Variants in ZBTB46 observed in about 807,000 individuals in gnomAD.
The protein encoded by ZBTB46 is zinc finger and BTB domain containing 46, also known as zinc finger and BTB domain-containing protein 46.
A neutral mutation model predicts 44.1 loss-of-function variants in ZBTB46; 8 were observed. The ratio of observed to expected loss-of-function variants is 0.18; its 90% CI spans 0.11 to 0.33. The LOEUF (loss-of-function observed/expected upper bound fraction) is 0.33. ZBTB46 is among the 10% of genes least tolerant of loss of function. The pLI is 1.00. For synonymous variants in ZBTB46, 409 were observed against 382.3 expected (o/e 1.07, Z -0.81); for missense variants, 651 against 847.7 (o/e 0.77, Z 2.88).
Position 63,787,860 on chromosome 20 carries a change from C to T in ZBTB46, c.937+1961G>A, listed in dbSNP as rs67047102. 0.077 allele frequency: 11,717 copies of T among 152,288 alleles called. 904 individuals are homozygous for T. The highest frequency in any genetic ancestry group is 0.44 in the East Asian group (2,253 of 5,170). 9.4% of individuals were successfully genotyped at this position (152,288 alleles called of 1,614,324 possible). ...CCGGCTCTCGCAGATCTCTCAGCGA[C>T]GGAGAGGAGGGACCAGGGTCAGGAG... is the stretch of plus-strand genomic sequence containing the variant. On this transcript the variant is annotated intron_variant, in intron 2 of 4. Coordinates refer to ENST00000245663, the MANE Select transcript of ZBTB46 (RefSeq NM_001369741.1). The surrounding 1 kb of genome is among the most constrained non-coding windows in gnomAD (Gnocchi z 4.6).
At chr20:63,765,823 G>C (rs539439661) in intron 3 of ZBTB46, among the ~76,000 whole-genome samples, 1 of 152,340 alleles carries the variant, frequency 6.6e-6, no homozygotes, top group South Asian at 2.1e-4. Flanking sequence ...AATGTTCTTA[G>C]AGCCCTTATC....
At position 63,803,287 on chromosome 20, in the gene ZBTB46, G is replaced by C. The variant is rs1601506730; in HGVS notation, c.-33-12497C>G. On this transcript the variant is annotated intron_variant, in intron 1 of 4. Coordinates refer to ENST00000245663, the MANE Select transcript of ZBTB46 (RefSeq NM_001369741.1). The surrounding 1 kb of genome is among the most constrained non-coding windows in gnomAD (Gnocchi z 4.0). Reference sequence around the variant, plus strand: ...TCTGAAAAAATTAAGGTTAAGACATGAATACTGTGAAACTGTCGTACAAAT... The same window carrying C: ...TCTGAAAAAATTAAGGTTAAGACATCAATACTGTGAAACTGTCGTACAAAT... 1 of 982,878 alleles carries C rather than the reference G, an allele frequency of 1.0e-6. No individual in the cohort carries two copies. The highest frequency in any genetic ancestry group is 1.2e-6 in the Non-Finnish European group (1 of 827,628). The allele number at this position is 982,878 out of a possible 1,614,324, so 60.9% of individuals were successfully genotyped here. A position where few individuals can be genotyped will look rare whatever the true frequency, so the allele number is the denominator to read the frequency against.
intron 1 of ZBTB46, among the ~76,000 whole-genome samples, chr20:63,819,880 C>T (rs56902471): frequency 3.9e-5 from 6 of 152,164 alleles, no homozygotes; most frequent in African/African-American, 1.2e-4. Flanking sequence ...TAATGATTTC[C>T]GAAAAGTTCT....
chr20:63,833,241 TC>T (rs2092860608), upstream of ZBTB46, among the ~76,000 whole-genome samples: 2 of 152,182 alleles, frequency 1.3e-5, no homozygotes, highest in East Asian at 3.9e-4. Flanking sequence ...CAAACCTTGA[TC>T]TCACCACGAC....
In ZBTB46 at chr20:63,796,393, C is replaced by T. The variant is rs568702170; in HGVS notation, c.-33-5603G>A. ...CTAGGGCCCATCCCTGCGTCTAATT[C>T]CAAACCACTCAGCGGGCAAGAACGA... is the stretch of plus-strand genomic sequence containing the variant. On this transcript the variant is annotated intron_variant, in intron 1 of 4. Coordinates refer to ENST00000245663, the MANE Select transcript of ZBTB46 (RefSeq NM_001369741.1). Among the ~76,000 whole-genome samples the T allele has an allele frequency of 3.9e-5, 6 of 152,338 alleles. No individual in the cohort carries two copies. The East Asian group carries it at 1.2e-3, about 29-fold the overall frequency.
Position 63,747,178 on chromosome 20 carries a change from C to G in ZBTB46, c.1522G>C (p.Gly508Arg), listed in dbSNP as rs376393528. 1.2e-6 allele frequency: 2 copies of G among 1,608,882 alleles called. No individual in the cohort carries two copies. The highest frequency in any genetic ancestry group is 1.3e-5 in the African/African-American group (1 of 74,698). ...CCATGGTCCAGGGGCCCGGCCATGC[C>G]GCGGCCAGCACAGTCGGTGCACACA... is the stretch of plus-strand genomic sequence containing the variant. ...HGVCTDCAGR[G>R]MAGPLDHGGG... Residue 508 changes from glycine (G) to arginine (R), a missense_variant, in exon 5 of 5, where the codon GGC becomes CGC. By Grantham distance (125) the Gly-to-Arg change is moderately radical. Transcript: ENST00000245663.
At chr20:63,829,812 TG>T (rs1234956165) in intron 1 of ZBTB46, among the ~76,000 whole-genome samples, 1 of 152,144 alleles carries the variant, frequency 6.6e-6, no homozygotes, top group Non-Finnish European at 1.5e-5. Context: ...GCAGCGTGAG[TG>T]CCAGCAGCAG....
Position 63,746,529 on chromosome 20 carries a change from C to T in ZBTB46, c.*401G>A. 1 of 185,176 alleles carries T rather than the reference C, an allele frequency of 5.4e-6. No individual in the cohort carries two copies. Among genetic ancestry groups the T allele is most frequent in the Non-Finnish European group, 1.1e-5 (1 of 90,066 alleles). The allele number at this position is 185,176 out of a possible 1,614,324, so 11.5% of individuals were successfully genotyped here. A position where few individuals can be genotyped will look rare whatever the true frequency, so the allele number is the denominator to read the frequency against. ...ACCGGGTGTCTGTAAAACTCTGCACCTGCTCAGGCCAGGGGCCTCTGGGCC... is the reference window on the plus strand; with the variant it reads ...ACCGGGTGTCTGTAAAACTCTGCACTTGCTCAGGCCAGGGGCCTCTGGGCC... On this transcript the variant is annotated 3_prime_UTR_variant, in exon 5 of 5. Coordinates refer to ENST00000245663, the MANE Select transcript of ZBTB46 (RefSeq NM_001369741.1).
upstream of ZBTB46, among the ~76,000 whole-genome samples, chr20:63,831,907 G>C (rs1458059438): frequency 2.6e-5 from 4 of 151,936 alleles, no homozygotes; most frequent in Non-Finnish European, 1.5e-5. Context: ...AGGCCGCCCG[G>C]GGTGCGGGGT....
At chr20:63,801,620 G>C (rs1263442253) in intron 1 of ZBTB46, among the ~76,000 whole-genome samples, 1 of 152,164 alleles carries the variant, frequency 6.6e-6, no homozygotes, top group African/African-American at 2.4e-5. Context: ...TGAGCTGTAA[G>C]ACTCACCGTG....
At chr20:63,786,007 C>T (rs2092511494) in intron 2 of ZBTB46, among the ~76,000 whole-genome samples, 4 of 152,308 alleles carry the variant, frequency 2.6e-5, no homozygotes, top group South Asian at 2.1e-4. Flanking sequence ...GTGCCTGCAT[C>T]GACTCTCATA....
intron 1 of ZBTB46, among the ~76,000 whole-genome samples, chr20:63,827,899 T>C (rs558640750): frequency 6.6e-6 from 1 of 152,316 alleles, no homozygotes; most frequent in Non-Finnish European, 1.5e-5. Context: ...AACAGGACAA[T>C]GTTTTATTTG....
chr20:63,816,062 C>T (rs1431969949), intron 1 of ZBTB46, among the ~76,000 whole-genome samples: 13 of 130,004 alleles, frequency 1.0e-4, no homozygotes, highest in Admixed American at 1.6e-4. Flanking sequence ...GTGCGGTGGG[C>T]GCAGGTGCAG....
At chr20:63,815,129 G>A (rs1468078219) in intron 1 of ZBTB46, 2 of 214,630 alleles carry the variant, frequency 9.3e-6, no homozygotes, top group Non-Finnish European at 1.9e-5. Context: ...CTGCTGAGAA[G>A]ACACAAAAGG....
chr20:63,791,043 G>C, intron 1 of ZBTB46: 1 of 414,894 alleles, frequency 2.4e-6, no homozygotes, highest in Non-Finnish European at 4.3e-6. Context: ...GGCTAATGGG[G>C]TTCTGAACAG....
At chr20:63,822,307 A>T (rs552332686) in intron 1 of ZBTB46, among the ~76,000 whole-genome samples, 1 of 152,260 alleles carries the variant, frequency 6.6e-6, no homozygotes, top group African/African-American at 2.4e-5. Flanking sequence ...AGCGCCCTGA[A>T]TTCACCCACC....
At chr20:63,783,351 C>A (rs2145899816) in intron 2 of ZBTB46, among the ~76,000 whole-genome samples, 1 of 152,328 alleles carries the variant, frequency 6.6e-6, no homozygotes, top group Non-Finnish European at 1.5e-5. Flanking sequence ...ATCACTTGAA[C>A]CCGAGAGGCA....
intron 1 of ZBTB46, among the ~76,000 whole-genome samples, chr20:63,811,595 G>A (rs1410302398): frequency 6.6e-6 from 1 of 152,190 alleles, no homozygotes; most frequent in Non-Finnish European, 1.5e-5. Flanking sequence ...AGGTGACGCA[G>A]ACAACTGACC....
Position 63,781,885 on chromosome 20 carries a change from A to C in ZBTB46, c.938-5923T>G, listed in dbSNP as rs559522416. 2.0e-5 allele frequency among the ~76,000 whole-genome samples: 3 copies of C among 151,980 alleles called. No individual in the cohort carries two copies. The South Asian group carries it at 6.2e-4, about 32-fold the overall frequency. On this transcript the variant is annotated intron_variant, in intron 2 of 4. Transcript: ENST00000245663. The stretch of plus-strand genomic sequence containing the variant: ...CAGATCACAAGGTCAGGAGATCGAG[A>C]CCATCCTGACTAACACGGTGAAACC...
Sources: allele counts gnomAD v4.1 joint callset (sites outside exome capture counted in the v4.1 genomes callset), GRCh38; gene constraint gnomAD v4.1.1; non-coding constraint Gnocchi (gnomAD v3.1); transcripts MANE v1.5; gene names NCBI Gene and HGNC (gene_info 2026-07-23, HGNC 2026-07-21).